Variants in TMEM232 observed in about 807,000 individuals in gnomAD.
TMEM232 encodes the protein transmembrane protein 232.
Under a neutral mutation model 78.8 loss-of-function variants are expected in TMEM232, and 80 were observed. That is an observed-to-expected ratio of 1.01 (90% confidence interval 0.85 to 1.22). The LOEUF (loss-of-function observed/expected upper bound fraction) is 1.22, where lower values mean the gene tolerates loss of function less well. Among genes scored for constraint, TMEM232 ranks in the 50% most tolerant of loss-of-function variants. The pLI is 0.00. For synonymous variants in TMEM232, 297 were observed against 254.3 expected (o/e 1.17, Z -1.60); for missense variants, 881 against 742.2 (o/e 1.19, Z -2.17).
chr5:110,462,083 T>C (rs1048905611), intron 12 of TMEM232, among the ~76,000 whole-genome samples: 2 of 152,220 alleles, frequency 1.3e-5, no homozygotes, highest in East Asian at 3.9e-4. Context: ...TGTAAGACTG[T>C]AGCTGCCAAA....
chr5:110,585,976 G>T lies in TMEM232; in HGVS notation c.1277-17351C>A, dbSNP rs142454730. On this transcript the variant is annotated intron_variant, in intron 10 of 13. Coordinates refer to ENST00000455884, the MANE Select transcript of TMEM232 (RefSeq NM_001039763.4). ...TCACAGAAGTTTGCAGGTTTGGAAA[G>T]AATATGTTAGATTTTTCGAACTTCT... is the stretch of plus-strand genomic sequence containing the variant. Among the ~76,000 whole-genome samples, 156 of 152,274 alleles carry T rather than the reference G, an allele frequency of 1.0e-3. 1 individual carries two copies. Among genetic ancestry groups the T allele is most frequent in the African/African-American group, 3.3e-3 (139 of 41,576 alleles).
chr5:110,735,131 A>C (rs1262402689), intron 1 of TMEM232: 1 of 152,230 alleles, frequency 6.6e-6, no homozygotes, highest in Non-Finnish European at 1.5e-5. Context: ...TAAAAAATAT[A>C]GGTGATTTTT....
chr5:110,522,913 A>G (rs118113838), intron 12 of TMEM232, among the ~76,000 whole-genome samples: 3,295 of 152,186 alleles, frequency 0.022, 39 homozygotes, highest in Admixed American at 0.025. Context: ...ATCAGGATAA[A>G]GCTGGTCACT....
intron 2 of TMEM232, chr5:110,667,000 A>G (rs1790677860): frequency 2.8e-6 from 1 of 359,302 alleles, no homozygotes; most frequent in Middle Eastern, 7.5e-4. Context: ...CATTATTATG[A>G]CAAATTAAGA....
At chr5:110,407,157 ATAAG>A (rs1755822278) in intron 2 of TMEM232, among the ~76,000 whole-genome samples, 1 of 152,094 alleles carries the variant, frequency 6.6e-6, no homozygotes, top group African/African-American at 2.4e-5. Context: ...ACATATTGGT[ATAAG>A]TAATAAGTAT....
chr5:110,689,254 C>T (rs113927830), intron 1 of TMEM232, among the ~76,000 whole-genome samples: 1,524 of 152,184 alleles, frequency 0.01, 14 homozygotes, highest in African/African-American at 0.034. Context: ...AAATATTCAA[C>T]CAATCAAGCA....
At chr5:110,612,260 G>A (rs768337852) in intron 8 of TMEM232, among the ~76,000 whole-genome samples, 3 of 152,172 alleles carry the variant, frequency 2.0e-5, no homozygotes, top group African/African-American at 7.2e-5. Flanking sequence ...ATGTCTTCTG[G>A]TTTCAGGTTG....
intron 11 of TMEM232, among the ~76,000 whole-genome samples, chr5:110,547,998 CAAAAA>C (rs938444289): frequency 4.1e-5 from 2 of 48,658 alleles, no homozygotes; most frequent in African/African-American, 1.3e-4. Context: ...ACTCCATCTC[CAAAAA>C]AAAAAAAAAA....
At chr5:110,481,544 C>T (rs180819206) in intron 12 of TMEM232, among the ~76,000 whole-genome samples, 7 of 152,054 alleles carry the variant, frequency 4.6e-5, no homozygotes, top group African/African-American at 1.7e-4. Flanking sequence ...ACATAAACCA[C>T]AAATATCTAA....
intron 7 of TMEM232, among the ~76,000 whole-genome samples, chr5:110,620,618 TC>T (rs1237582261): frequency 5.3e-5 from 7 of 132,636 alleles, no homozygotes; most frequent in African/African-American, 2.2e-4. Flanking sequence ...TCTCTCTCTC[TC>T]TCTCTCTCTC....
chr5:110,578,966 T>A (rs1029767528), intron 10 of TMEM232, among the ~76,000 whole-genome samples: 2 of 151,644 alleles, frequency 1.3e-5, no homozygotes, highest in African/African-American at 4.8e-5. Flanking sequence ...ACTTCGCAAA[T>A]CTAGGAAGAA....
chr5:110,615,695 CTTTG>C (rs1782836497), intron 8 of TMEM232, among the ~76,000 whole-genome samples: 1 of 151,906 alleles, frequency 6.6e-6, no homozygotes, highest in Non-Finnish European at 1.5e-5. Context: ...ATAAAACTAT[CTTTG>C]TTTGCTGACC....
At chr5:110,522,030 G>A (rs1237510437) in intron 12 of TMEM232, among the ~76,000 whole-genome samples, 4 of 152,080 alleles carry the variant, frequency 2.6e-5, no homozygotes, top group Non-Finnish European at 5.9e-5. Flanking sequence ...TTGAATCTGT[G>A]AACATTTTAG....
At chr5:110,649,726 T>C (rs1788029198) in intron 2 of TMEM232, among the ~76,000 whole-genome samples, 1 of 152,250 alleles carries the variant, frequency 6.6e-6, no homozygotes, top group East Asian at 1.9e-4. Context: ...TGAAGGGCCT[T>C]ACATTCATTT....
chr5:110,555,891 G>C (rs923547311), intron 11 of TMEM232, among the ~76,000 whole-genome samples: 1 of 152,062 alleles, frequency 6.6e-6, no homozygotes, highest in Non-Finnish European at 1.5e-5. Flanking sequence ...AGGTATCCTT[G>C]CACGTGAGAT....
At chr5:110,680,396 C>CAAAA (rs1189611727) in intron 1 of TMEM232, among the ~76,000 whole-genome samples, 14 of 24,656 alleles carry the variant, frequency 5.7e-4, no homozygotes, top group Non-Finnish European at 7.4e-4. Context: ...GACTCTATCT[C>CAAAA]AAAAAAAAAA....
intron 1 of TMEM232, among the ~76,000 whole-genome samples, chr5:110,706,784 AT>A (rs2150297314): frequency 6.6e-6 from 1 of 152,308 alleles, no homozygotes; most frequent in East Asian, 1.9e-4. Flanking sequence ...TCTCTGTGAA[AT>A]GAAAAGACAC....
intron 1 of TMEM232, among the ~76,000 whole-genome samples, chr5:110,710,479 T>G (rs1796361159): frequency 6.6e-6 from 1 of 152,106 alleles, no homozygotes; most frequent in South Asian, 2.1e-4. Flanking sequence ...TGATGTATAT[T>G]GATGCAAAAA....
intron 11 of TMEM232, among the ~76,000 whole-genome samples, chr5:110,557,264 GCTCATATAT>G (rs1206479789): frequency 2.6e-5 from 4 of 152,034 alleles, no homozygotes; most frequent in Non-Finnish European, 1.5e-5. Context: ...TCCTCTTTCA[GCTCATATAT>G]GATTTTACTG....
Sources: allele counts gnomAD v4.1 joint callset (sites outside exome capture counted in the v4.1 genomes callset), GRCh38; gene constraint gnomAD v4.1.1; transcripts MANE v1.5; gene names NCBI Gene and HGNC (gene_info 2026-07-23, HGNC 2026-07-21).